PNPLA2: variants seen among roughly 807,000 people sequenced by gnomAD.
PNPLA2 encodes patatin-like phospholipase domain-containing protein 2.
A neutral mutation model predicts 39.7 loss-of-function variants in PNPLA2; 28 were observed. The observed-to-expected ratio is 0.70, with a 90% CI of 0.52 to 0.97. The LOEUF (loss-of-function observed/expected upper bound fraction) is 0.97. Among genes scored for constraint, PNPLA2 ranks in the 50% least tolerant of loss-of-function variants. The pLI is 0.00. For synonymous variants in PNPLA2, 392 were observed against 321.1 expected (o/e 1.22, Z -2.36); for missense variants, 768 against 698.2 (o/e 1.10, Z -1.13).
chr11:819,161 TG>T (rs1326593966), intron 1 of PNPLA2, among the ~76,000 whole-genome samples: 2 of 152,212 alleles, frequency 1.3e-5, no homozygotes, highest in Non-Finnish European at 2.9e-5. Context: ...CTTTCAGGTC[TG>T]GGGGTGCTGC....
Position 819,656 on chromosome 11 carries a change from G to A in PNPLA2, c.-63G>A. ...CCCCCGGCTCCAGCGAGCGAGCGGC[G>A]AGCAGGCGGCTCACAGAGGCCTGGC... On this transcript the variant is annotated 5_prime_UTR_variant, in exon 2 of 10. Transcript: ENST00000336615. The A allele has an allele frequency of 7.1e-7, 1 of 1,412,464 alleles. No homozygotes were observed. The highest frequency in any genetic ancestry group is 2.8e-5 in the Admixed American group (1 of 35,692). 87.5% of individuals were successfully genotyped at this position (1,412,464 alleles called of 1,614,324 possible). A position where few individuals can be genotyped will look rare whatever the true frequency, so the allele number is the denominator to read the frequency against.
chr11:821,622 C>T lies in PNPLA2; in HGVS notation c.188-6C>T. 1.2e-6 allele frequency: 2 copies of T among 1,608,972 alleles called. No homozygotes were observed. Among genetic ancestry groups the T allele is most frequent in the East Asian group, 2.2e-5 (1 of 44,868 alleles). On this transcript the variant is annotated splice_region_variant and splice_polypyrimidine_tract_variant and intron_variant, in intron 2 of 9. Transcript: ENST00000336615. ...ATGGGCCCCTAACCTTGGCCCTGTG[C>T]CCCAGGTGAGGCTGGTGCCAAGTTC... is the stretch of plus-strand genomic sequence containing the variant.
chr11:823,061 T>A (rs1590176768), intron 5 of PNPLA2, among the ~76,000 whole-genome samples: 2 of 151,808 alleles, frequency 1.3e-5, no homozygotes, highest in South Asian at 4.2e-4. Flanking sequence ...TATTTTATTT[T>A]TTTATTTTTT....
rs1392015119 is a variant in PNPLA2, at chr11:824,349, TC to T, written c.1090del (p.Arg364GlyfsTer3). On this transcript the variant is annotated frameshift_variant, in exon 9 of 10. Coordinates refer to ENST00000336615, the MANE Select transcript of PNPLA2 (RefSeq NM_020376.4). LOFTEE classifies it high-confidence loss of function. ...TGGCTGCCCGACGTTCCCGAGGACA[TC>T]CGGTGGATGAAGGAGCAGACGGGCA... ...LEWLPDVPED[I>X]RWMKEQTGSI... The T allele has an allele frequency of 6.4e-7, 1 of 1,551,130 alleles. No individual in the cohort carries two copies. Among genetic ancestry groups the T allele is most frequent in the Non-Finnish European group, 8.7e-7 (1 of 1,147,540 alleles).
chr11:824,699 A>G lies in PNPLA2; in HGVS notation c.1352A>G (p.Asn451Ser). The change falls in exon 10 of 10, where the codon AAC (asparagine) becomes AGC (serine). Residue 451 changes from asparagine to serine, a missense_variant. Asn to Ser is a conservative substitution (Grantham distance 46, BLOSUM62 1). Transcript: ENST00000336615. ...RQLLLGLFCTNVAFPPEALRM... is the reference protein window; with the variant it reads ...RQLLLGLFCTSVAFPPEALRM... The stretch of plus-strand genomic sequence containing the variant: ...CTGCTGCTCGGCCTCTTCTGCACCA[A>G]CGTGGCCTTCCCGCCCGAAGCTCTG... 6.3e-7 allele frequency: 1 copy of G among 1,594,100 alleles called. No homozygotes were observed. The highest frequency in any genetic ancestry group is 8.5e-7 in the Non-Finnish European group (1 of 1,177,146).
intron 1 of PNPLA2, 166 bp from the exon 2 acceptor site, chr11:819,408 G>A (rs973691943): frequency 3.1e-6 from 3 of 976,650 alleles, no homozygotes; most frequent in African/African-American, 3.5e-5. Flanking sequence ...CTTTCTCCGG[G>A]CGGCAGCGGA....
chr11:824,000 C>T lies in PNPLA2; in HGVS notation c.922C>T (p.Leu308=). The T allele has an allele frequency of 1.9e-6, 3 of 1,606,556 alleles. No homozygotes were observed. Among genetic ancestry groups the T allele is most frequent in the South Asian group, 1.1e-5 (1 of 90,362 alleles). The change falls in exon 8 of 10, where the codon CTG becomes TTG. Residue 308 remains leucine (L), a splice_region_variant and synonymous_variant. Transcript: ENST00000336615. ...GCCGACCTCCCGCCCACCCGCAGCCCTGCTGGAGGCCTGCGTGGAGCCCAC... is the reference window on the plus strand; with the variant it reads ...GCCGACCTCCCGCCCACCCGCAGCCTTGCTGGAGGCCTGCGTGGAGCCCAC... ...EHLPARLNEA[L]LEACVEPTDL... is the part of the protein sequence containing the mutation.
Position 824,753 on chromosome 11 carries a change from C to CCGCCCCCGCGGACCCAG in PNPLA2, c.1408_1424dup (p.Ser476ProfsTer19). 1 of 1,564,634 alleles carries CCGCCCCCGCGGACCCAG rather than the reference C, an allele frequency of 6.4e-7. No individual in the cohort carries two copies. The highest frequency in any genetic ancestry group is 8.6e-7 in the Non-Finnish European group (1 of 1,162,578). ...ATGCGCGCACCCGCCGACCCGGCTCCCGCCCCCGCGGACCCAGCATCCCCG... is the reference window on the plus strand; with the variant it reads ...ATGCGCGCACCCGCCGACCCGGCTCCCGCCCCCGCGGACCCAGCGCCCCCGCGGACCCAGCATCCCCG... On this transcript the variant is annotated frameshift_variant, in exon 10 of 10. Transcript: ENST00000336615. LOFTEE classifies it low-confidence loss of function (END_TRUNC).
At chr11:820,247 A>G (rs1014411759) in intron 2 of PNPLA2, among the ~76,000 whole-genome samples, 4 of 152,180 alleles carry the variant, frequency 2.6e-5, no homozygotes, top group African/African-American at 4.8e-5. Context: ...GTGGCCCTGG[A>G]TATTACAACC....
At position 824,961 on chromosome 11, in the gene PNPLA2, G is replaced by C; in HGVS notation, c.*99G>C. ...AGTTGCCAAGAGGGGTCTTTGCCGT[G>C]GGCCCCCTCGCCAGCCACTCACCAG... On this transcript the variant is annotated 3_prime_UTR_variant, in exon 10 of 10. Transcript: ENST00000336615. 2 of 1,012,074 alleles carry C rather than the reference G, an allele frequency of 2.0e-6. No homozygotes were observed. The highest frequency in any genetic ancestry group is 2.9e-6 in the Non-Finnish European group (2 of 680,698). 62.7% of individuals were successfully genotyped at this position (1,012,074 alleles called of 1,614,324 possible).
intron 1 of PNPLA2, 27 bp from the exon 2 acceptor site, chr11:819,547 A>G: frequency 7.8e-7 from 1 of 1,290,160 alleles, no homozygotes; most frequent in South Asian, 2.2e-5. Flanking sequence ...CACACTTAAA[A>G]GCGCCGCCTC....
chr11:822,991 C>G (rs1340363583), intron 5 of PNPLA2, among the ~76,000 whole-genome samples: 1 of 149,412 alleles, frequency 6.7e-6, no homozygotes, highest in African/African-American at 2.5e-5. Flanking sequence ...TGCCTGGCTA[C>G]TTTTTGTATT....
chr11:819,270 C>A (rs1845586487), intron 1 of PNPLA2: 2 of 266,692 alleles, frequency 7.5e-6, no homozygotes, highest in Non-Finnish European at 1.2e-5. Context: ...AACCAGAGCT[C>A]CCTCTCGCCG....
At position 823,868 on chromosome 11, in the gene PNPLA2, G is replaced by T. The variant is rs1322336866; in HGVS notation, c.919+13G>T. The T allele has an allele frequency of 6.4e-7, 1 of 1,572,364 alleles. No individual in the cohort carries two copies. Among genetic ancestry groups the T allele is most frequent in the South Asian group, 1.2e-5 (1 of 86,736 alleles). On this transcript the variant is annotated intron_variant, in intron 7 of 9. Coordinates refer to ENST00000336615, the MANE Select transcript of PNPLA2 (RefSeq NM_020376.4). ...CGGCTCAATGAGGGTGCGCACCTGG[G>T]GGACGGGAGGGGAGGAGGGGAGGCA...
At position 822,037 on chromosome 11, in the gene PNPLA2, G is replaced by A. The variant is rs769363393; in HGVS notation, c.486+14G>A. ...CTCCAGGGGGTGGTGAGTATTCCTA[G>A]CCCTGGACACCTTCTATGGGGTGGG... On this transcript the variant is annotated intron_variant, in intron 4 of 9. Transcript: ENST00000336615. The A allele has an allele frequency of 6.2e-7, 1 of 1,611,634 alleles. No individual in the cohort carries two copies. Among genetic ancestry groups the A allele is most frequent in the Non-Finnish European group, 8.5e-7 (1 of 1,178,104 alleles).
chr11:820,380 C>T (rs1845629709), intron 2 of PNPLA2, among the ~76,000 whole-genome samples: 1 of 152,156 alleles, frequency 6.6e-6, no homozygotes, highest in African/African-American at 2.4e-5. Context: ...TTCCCAAGGG[C>T]CCGGAGGAGG....
chr11:820,268 A>G (rs7925131), intron 2 of PNPLA2, among the ~76,000 whole-genome samples: 107,798 of 152,178 alleles, frequency 0.71, 38,548 homozygotes, highest in Admixed American at 0.74. Context: ...GGTGCCAGCG[A>G]TCGGTCACAG....
Position 823,517 on chromosome 11 carries a change from C to G in PNPLA2, c.697-10C>G. The G allele has an allele frequency of 6.2e-7, 1 of 1,605,142 alleles. No individual in the cohort carries two copies. Among genetic ancestry groups the G allele is most frequent in the South Asian group, 1.1e-5 (1 of 89,462 alleles). The stretch of plus-strand genomic sequence containing the variant: ...GCTCCCTCCGCTCCATTTAACCCTC[C>G]TCACTGCAGGTGCTGCGAGAGATGT... On this transcript the variant is annotated splice_polypyrimidine_tract_variant and intron_variant, in intron 5 of 9. Transcript: ENST00000336615.
At position 819,601 on chromosome 11, in the gene PNPLA2, C is replaced by T. The variant is rs769594766; in HGVS notation, c.-118C>T. Reference sequence around the variant, plus strand: ...TCTTCGCCTCCGCCAGCGGGGACCCCGAGCTAGAGCCGCAGCGGGACCTGC... The same window carrying T: ...TCTTCGCCTCCGCCAGCGGGGACCCTGAGCTAGAGCCGCAGCGGGACCTGC... On this transcript the variant is annotated 5_prime_UTR_variant, in exon 2 of 10. Transcript: ENST00000336615. 902 of 1,279,430 alleles carry T rather than the reference C, an allele frequency of 7.1e-4. 1 individual carries two copies. The highest frequency in any genetic ancestry group is 8.2e-4 in the Non-Finnish European group (817 of 1,000,002). The allele number at this position is 1,279,430 out of a possible 1,614,324, so 79.3% of individuals were successfully genotyped here.
Sources: gnomAD v4.1 joint callset for allele counts (sites outside exome capture counted in the v4.1 genomes callset) on GRCh38, gnomAD v4.1.1 for gene constraint, MANE v1.5 for transcripts, NCBI Gene and HGNC (gene_info 2026-07-23, HGNC 2026-07-21) for gene names.